Variants in EDC4 observed in about 807,000 individuals in gnomAD.
The protein encoded by EDC4 is enhancer of mRNA-decapping protein 4.
In EDC4, 64 loss-of-function variants were observed where a neutral mutation model predicts 155.8. The ratio of observed to expected loss-of-function variants is 0.41; its 90% CI spans 0.34 to 0.51. The LOEUF (loss-of-function observed/expected upper bound fraction) is 0.51. Ranked by LOEUF, EDC4 falls within the 20% of genes least tolerant of loss-of-function variation. The probability of loss-of-function intolerance (pLI) is 0.19; values close to 1 mark genes in which losing one functional copy is unlikely to be tolerated. For missense variants in EDC4, 1,303 were observed against 1,812.5 expected (o/e 0.72, Z 5.10); for synonymous variants, 684 against 716.8 (o/e 0.95, Z 0.73).
rs763457255 is a variant in EDC4 at position 67,878,580 on chromosome 16, G to A, written c.1133G>A (p.Arg378Gln). ...RFLITGADQN[R>Q]ELKMWCTVSW... ...CTTATTACTGGTGCTGACCAGAACC[G>A]AGAGTTAAAGATGTGGTGTACAGTA... The change falls in exon 10 of 29, where the codon CGA (arginine) becomes CAA (glutamine). Residue 378 changes from arginine (R) to glutamine (Q), a missense_variant. Arg to Gln is a conservative substitution (Grantham distance 43). Transcript: ENST00000358933. The surrounding 1 kb of genome is among the most constrained non-coding windows in gnomAD (Gnocchi z 5.2). The A allele has an allele frequency of 2.5e-6, 4 of 1,614,078 alleles. No individual in the cohort carries two copies. Among genetic ancestry groups the A allele is most frequent in the South Asian group, 1.1e-5 (1 of 91,084 alleles).
At chr16:67,873,401 C>G in intron 1 of EDC4, 58 bp downstream of exon 1, 7 of 1,320,686 alleles carry the variant, frequency 5.3e-6, no homozygotes, top group Non-Finnish European at 5.9e-6. Flanking sequence ...CGGCGCGCGT[C>G]TGAACCGCCA....
chr16:67,880,733 C>T lies in EDC4; in HGVS notation c.2274C>T (p.Ser758=). 1 of 1,614,242 alleles carries T rather than the reference C, an allele frequency of 6.2e-7. No individual in the cohort carries two copies. Among genetic ancestry groups the T allele is most frequent in the East Asian group, 2.2e-5 (1 of 44,878 alleles). The stretch of plus-strand genomic sequence containing the variant: ...AGGCCCTGTCCCGTGGTTTTGGCTC[C>T]TCTGCACCAGAGGGCCTTGAGCCAG... The part of the protein sequence containing the change: ...ASEALSRGFG[S]SAPEGLEPDS... The change falls in exon 18 of 29, where the codon TCC becomes TCT. Residue 758 remains serine (S), a synonymous_variant. Transcript: ENST00000358933. The surrounding 1 kb of genome is among the most constrained non-coding windows in gnomAD (Gnocchi z 5.2).
At position 67,882,708 on chromosome 16, in the gene EDC4, A is replaced by T; in HGVS notation, c.3472A>T (p.Ser1158Cys). ...YLQQLESHMK[S>C]RKAREQEARE... ...GCAGCAGCTAGAAAGCCACATGAAG[A>T]GCCGGAAGGCACGGGAACAGGAGGC... Residue 1158 changes from serine (S) to cysteine (C), a missense_variant, in exon 26 of 29, where the codon AGC becomes TGC. Coordinates refer to ENST00000358933, the MANE Select transcript of EDC4 (RefSeq NM_014329.5). The surrounding 1 kb of genome is among the most constrained non-coding windows in gnomAD (Gnocchi z 7.2). 6.2e-7 allele frequency: 1 copy of T among 1,614,196 alleles called. No individual in the cohort carries two copies. Among genetic ancestry groups the T allele is most frequent in the Non-Finnish European group, 8.5e-7 (1 of 1,180,032 alleles).
Position 67,879,530 on chromosome 16 carries a change from G to A in EDC4, c.1633+27G>A. The A allele has an allele frequency of 6.2e-7, 1 of 1,614,026 alleles. No individual in the cohort carries two copies. The highest frequency in any genetic ancestry group is 8.5e-7 in the Non-Finnish European group (1 of 1,179,978). On this transcript the variant is annotated intron_variant, in intron 14 of 28. Transcript: ENST00000358933. This position sits in a 1 kb window ranked among gnomAD's most constrained non-coding sequence, Gnocchi z 6.0. ...TGAGTAGGGCGTGAGAGGGAGGTAGGGTAAGTTGGACTGACCAGGGTCTGA... is the reference window on the plus strand; with the variant it reads ...TGAGTAGGGCGTGAGAGGGAGGTAGAGTAAGTTGGACTGACCAGGGTCTGA...
Position 67,881,854 on chromosome 16 carries a change from G to C in EDC4, c.3004+9G>C. The C allele has an allele frequency of 6.2e-7, 1 of 1,611,188 alleles. No homozygotes were observed. Among genetic ancestry groups the C allele is most frequent in the Non-Finnish European group, 8.5e-7 (1 of 1,177,590 alleles). On this transcript the variant is annotated intron_variant, in intron 22 of 28. Coordinates refer to ENST00000358933, the MANE Select transcript of EDC4 (RefSeq NM_014329.5). The surrounding 1 kb of genome is among the most constrained non-coding windows in gnomAD (Gnocchi z 5.4). ...TCGGCACGAGCAGGAACGTATCCTT[G>C]AGACTGGTAGCACAACATGGCATAG...
rs778938844 is a variant in EDC4, at chr16:67,878,448, G to GT, written c.1088+6dup. The GT allele has an allele frequency of 8.7e-6, 14 of 1,614,124 alleles. No homozygotes were observed. In the African/African-American group the frequency reaches 1.9e-4, roughly 22 times the overall value. ...CCATAAGAAACAAGACCCTGAGTGA[G>GT]TGAGTGGGCAGCCTAGTGGGTGGTG... On this transcript the variant is annotated splice_donor_region_variant and intron_variant, in intron 9 of 28. Transcript: ENST00000358933. The surrounding 1 kb of genome is among the most constrained non-coding windows in gnomAD (Gnocchi z 5.2).
In EDC4 at chr16:67,878,556, T is replaced by G; in HGVS notation, c.1109T>G (p.Leu370Arg). 6.2e-7 allele frequency: 1 copy of G among 1,614,236 alleles called. No individual in the cohort carries two copies. The highest frequency in any genetic ancestry group is 2.2e-5 in the East Asian group (1 of 44,890). ...TGCAGTGTCCCTTTCTGGAGGTTCCTTATTACTGGTGCTGACCAGAACCGA... is the reference window on the plus strand; with the variant it reads ...TGCAGTGTCCCTTTCTGGAGGTTCCGTATTACTGGTGCTGACCAGAACCGA... ...QDPDVPFWRFLITGADQNREL... is the reference protein window; with the variant it reads ...QDPDVPFWRFRITGADQNREL... Residue 370 changes from leucine to arginine, a missense_variant, in exon 10 of 29, where the codon CTT (leucine) becomes CGT (arginine). This residue lies in a region of EDC4 where 235 missense variants were observed against 367.7 expected (regional missense o/e 0.64). Coordinates refer to ENST00000358933, the MANE Select transcript of EDC4 (RefSeq NM_014329.5). The surrounding 1 kb of genome is among the most constrained non-coding windows in gnomAD (Gnocchi z 5.2).
At position 67,876,838 on chromosome 16, in the gene EDC4, G is replaced by A. The variant is rs752969704; in HGVS notation, c.352-35G>A. The A allele has an allele frequency of 1.9e-6, 3 of 1,609,786 alleles. No homozygotes were observed. The highest frequency in any genetic ancestry group is 2.2e-5 in the South Asian group (2 of 90,366). On this transcript the variant is annotated intron_variant, in intron 3 of 28. Coordinates refer to ENST00000358933, the MANE Select transcript of EDC4 (RefSeq NM_014329.5). The surrounding 1 kb of genome is among the most constrained non-coding windows in gnomAD (Gnocchi z 5.8). ...TGTTGGGGGCCACCTAGGCTCTGGG[G>A]AAGTTCCATGACTTTTCTCACCCTG... is the stretch of plus-strand genomic sequence containing the variant.
At position 67,884,288 on chromosome 16, in the gene EDC4, C is replaced by T. The variant is rs560867113; in HGVS notation, c.*140C>T. ...TTTGGGGGTCAGGGAGCAGGGAGCA[C>T]TGGCCGTGGTCTACAGCGTGTGGTA... On this transcript the variant is annotated 3_prime_UTR_variant, in exon 29 of 29. Transcript: ENST00000358933. This position sits in a 1 kb window ranked among gnomAD's most constrained non-coding sequence, Gnocchi z 4.1. 17 of 802,598 alleles carry T rather than the reference C, an allele frequency of 2.1e-5. No homozygotes were observed. The highest frequency in any genetic ancestry group is 1.7e-4 in the African/African-American group (10 of 57,596). The allele number at this position is 802,598 out of a possible 1,614,324, so 49.7% of individuals were successfully genotyped here.
rs1323442439 is a variant in EDC4, at chr16:67,880,283, G to A, written c.2097+67G>A. The A allele has an allele frequency of 3.3e-6, 5 of 1,531,554 alleles. No homozygotes were observed. In the East Asian group the frequency reaches 6.8e-5, roughly 21 times the overall value. 94.9% of individuals were successfully genotyped at this position (1,531,554 alleles called of 1,614,324 possible). A position where few individuals can be genotyped will look rare whatever the true frequency, so the allele number is the denominator to read the frequency against. On this transcript the variant is annotated intron_variant, in intron 17 of 28. Transcript: ENST00000358933. The surrounding 1 kb of genome is among the most constrained non-coding windows in gnomAD (Gnocchi z 5.2). ...GGCAGCAGCAGGGAAGGTGGGTGGTGGGCTCCTCCCAGCCCCCTGCTGCTG... is the reference window on the plus strand; with the variant it reads ...GGCAGCAGCAGGGAAGGTGGGTGGTAGGCTCCTCCCAGCCCCCTGCTGCTG...
At position 67,877,711 on chromosome 16, in the gene EDC4, GCTGCACACTCACCTCC is replaced by G. The variant is rs1164568919; in HGVS notation, c.790-26_790-11del. 6.2e-7 allele frequency: 1 copy of G among 1,614,004 alleles called. No homozygotes were observed. Among genetic ancestry groups the G allele is most frequent in the Non-Finnish European group, 8.5e-7 (1 of 1,180,046 alleles). The stretch of plus-strand genomic sequence containing the variant: ...CAGAGAAGCCATAGTGTGGGGTTGG[GCTGCACACTCACCTCC>G]CTGTGCCTTCCAGGCTGAGGTGTGG... On this transcript the variant is annotated splice_polypyrimidine_tract_variant and intron_variant, in intron 6 of 28. Transcript: ENST00000358933. The surrounding 1 kb of genome is among the most constrained non-coding windows in gnomAD (Gnocchi z 4.9).
rs1035861331 is a variant in EDC4 at position 67,882,846 on chromosome 16, C to T, written c.3610C>T (p.Leu1204=). Residue 1204 remains leucine (L), a synonymous_variant, in exon 26 of 29, where the codon CTG becomes TTG. Transcript: ENST00000358933. The surrounding 1 kb of genome is among the most constrained non-coding windows in gnomAD (Gnocchi z 7.2). ...GSVRAEVQHQ[L]HVAVGSLQES... ...TGTTCGTGCTGAGGTGCAGCACCAG[C>T]TGCATGTGGCTGTGGGCAGGTGTGT... The T allele has an allele frequency of 6.2e-7, 1 of 1,614,026 alleles. No individual in the cohort carries two copies. Among genetic ancestry groups the T allele is most frequent in the Non-Finnish European group, 8.5e-7 (1 of 1,180,040 alleles).
chr16:67,881,340 G>A lies in EDC4; in HGVS notation c.2712G>A (p.Leu904=), dbSNP rs908169801. 1.4e-5 allele frequency: 23 copies of A among 1,614,056 alleles called. No homozygotes were observed. Among genetic ancestry groups the A allele is most frequent in the Non-Finnish European group, 1.9e-5 (23 of 1,180,036 alleles). ...GFGTKVPAPR[L]PAKDWKTKGS... Reference sequence around the variant, plus strand: ...GCACCAAAGTTCCTGCTCCACGGCTGCCTGCCAAGGACTGGAAGACCAAGG... The same window carrying A: ...GCACCAAAGTTCCTGCTCCACGGCTACCTGCCAAGGACTGGAAGACCAAGG... The change falls in exon 20 of 29, where the codon CTG becomes CTA. Residue 904 remains leucine (L), a synonymous_variant. Transcript: ENST00000358933. This position sits in a 1 kb window ranked among gnomAD's most constrained non-coding sequence, Gnocchi z 5.4.
chr16:67,880,935 G>A lies in EDC4; in HGVS notation c.2476G>A (p.Val826Ile). Residue 826 changes from valine (V) to isoleucine (I), a missense_variant, in exon 18 of 29, where the codon GTT (valine) becomes ATT (isoleucine). Val to Ile is a conservative substitution (Grantham distance 29). Coordinates refer to ENST00000358933, the MANE Select transcript of EDC4 (RefSeq NM_014329.5). The surrounding 1 kb of genome is among the most constrained non-coding windows in gnomAD (Gnocchi z 5.2). Reference protein sequence around the residue: ...TQEASTPDSQVWPTAPDITRE... With the variant: ...TQEASTPDSQIWPTAPDITRE... ...GGAGGCCTCGACTCCTGACAGTCAG[G>A]TTTGGCCCACAGCACCTGACATTAC... 1 of 1,614,024 alleles carries A rather than the reference G, an allele frequency of 6.2e-7. No homozygotes were observed. The highest frequency in any genetic ancestry group is 8.5e-7 in the Non-Finnish European group (1 of 1,180,010).
rs745369392 is a variant in EDC4 at position 67,883,037 on chromosome 16, G to A, written c.3709G>A (p.Ala1237Thr). 2.5e-6 allele frequency: 4 copies of A among 1,613,792 alleles called. No individual in the cohort carries two copies. The highest frequency in any genetic ancestry group is 3.4e-6 in the Non-Finnish European group (4 of 1,180,008). The change falls in exon 27 of 29, where the codon GCC (alanine) becomes ACC (threonine). Residue 1237 changes from alanine to threonine, a missense_variant. Around this residue, in one of 5 missense-constraint regions of EDC4, gnomAD observed 527 missense variants for 757.0 expected, o/e 0.70. Transcript: ENST00000358933. This position sits in a 1 kb window ranked among gnomAD's most constrained non-coding sequence, Gnocchi z 5.3. ...TGTGGCGCTCAAGGAGCAGCAGGCC[G>A]CCGTCACCTCCAGCATCATGCAGGC... ...VSVALKEQQA[A>T]VTSSIMQAMR... is the part of the protein sequence containing the mutation.
In EDC4 at chr16:67,876,414, C is replaced by G; in HGVS notation, c.240-74C>G. ...ATACCTTCCCCAGTCTGGCTATGTC[C>G]TCGCTTCCTCCCAACCCTGCCCGCT... On this transcript the variant is annotated intron_variant, in intron 2 of 28. Transcript: ENST00000358933. The surrounding 1 kb of genome is among the most constrained non-coding windows in gnomAD (Gnocchi z 5.8). 2.5e-6 allele frequency: 4 copies of G among 1,568,652 alleles called. No individual in the cohort carries two copies. The highest frequency in any genetic ancestry group is 3.5e-6 in the Non-Finnish European group (4 of 1,155,098).
chr16:67,884,315 T>C lies in EDC4; in HGVS notation c.*167T>C. 1 of 659,660 alleles carries C rather than the reference T, an allele frequency of 1.5e-6. No individual in the cohort carries two copies. Among genetic ancestry groups the C allele is most frequent in the Non-Finnish European group, 2.5e-6 (1 of 401,622 alleles). 40.9% of individuals were successfully genotyped at this position (659,660 alleles called of 1,614,324 possible). On this transcript the variant is annotated 3_prime_UTR_variant, in exon 29 of 29. Transcript: ENST00000358933. The surrounding 1 kb of genome is among the most constrained non-coding windows in gnomAD (Gnocchi z 4.1). ...GGCCGTGGTCTACAGCGTGTGGTAG[T>C]CAGAAGGTTTAGCTGGGCCCAGGGC...
At position 67,877,593 on chromosome 16, in the gene EDC4, T is replaced by C. The variant is rs748621229; in HGVS notation, c.726T>C (p.Pro242=). 8.7e-5 allele frequency: 140 copies of C among 1,614,030 alleles called. No individual in the cohort carries two copies. The highest frequency in any genetic ancestry group is 1.1e-4 in the Non-Finnish European group (129 of 1,180,032). Residue 242 remains proline (P), a synonymous_variant, in exon 6 of 29, where the codon CCT becomes CCC. Transcript: ENST00000358933. The surrounding 1 kb of genome is among the most constrained non-coding windows in gnomAD (Gnocchi z 4.9). ...FRRIIWCPFI[P]EESEDCCEES... Reference sequence around the variant, plus strand: ...GGATCATCTGGTGCCCCTTCATCCCTGAGGAGAGCGAAGACTGCTGTGAGG... The same window carrying C: ...GGATCATCTGGTGCCCCTTCATCCCCGAGGAGAGCGAAGACTGCTGTGAGG...
In EDC4 at chr16:67,882,975, T is replaced by C. The variant is rs2058075652; in HGVS notation, c.3647T>C (p.Leu1216Ser). The C allele has an allele frequency of 6.2e-7, 1 of 1,613,986 alleles. No homozygotes were observed. The highest frequency in any genetic ancestry group is 8.5e-7 in the Non-Finnish European group (1 of 1,179,942). Residue 1216 changes from leucine to serine, a missense_variant, in exon 27 of 29, where the codon TTA becomes TCA. Transcript: ENST00000358933. The surrounding 1 kb of genome is among the most constrained non-coding windows in gnomAD (Gnocchi z 7.2). ...VAVGSLQESILAQVQRIVKGE... is the reference protein window; with the variant it reads ...VAVGSLQESISAQVQRIVKGE... ...CTTTGCAGCCTGCAGGAGTCCATTT[T>C]AGCACAGGTACAGCGCATCGTTAAG...
Sources: allele counts gnomAD v4.1 joint callset, GRCh38; gene constraint gnomAD v4.1.1; regional missense constraint gnomAD v4.1.1; non-coding constraint Gnocchi (gnomAD v3.1); transcripts MANE v1.5; gene names NCBI Gene and HGNC (gene_info 2026-07-23, HGNC 2026-07-21).